The following SPAG16 variants were observed in gnomAD, a reference collection of about 807,000 sequenced individuals.
The protein encoded by SPAG16 is sperm-associated antigen 16 protein.
In SPAG16, 86 loss-of-function variants were observed where a neutral mutation model predicts 80.4. The ratio of observed to expected loss-of-function variants is 1.07; its 90% CI spans 0.90 to 1.28. The LOEUF is 1.28. Ranked by LOEUF, SPAG16 falls within the 50% of genes most tolerant of loss-of-function variation. The probability of loss-of-function intolerance (pLI) is 0.00; values close to 1 mark genes in which losing one functional copy is unlikely to be tolerated. For synonymous variants in SPAG16, 294 were observed against 265.9 expected (o/e 1.11, Z -1.03); for missense variants, 870 against 765.3 (o/e 1.14, Z -1.61).
intron 10 of SPAG16, among the ~76,000 whole-genome samples, chr2:213,706,302 G>T (rs2065750412): frequency 6.6e-6 from 1 of 152,180 alleles, no homozygotes; most frequent in Non-Finnish European, 1.5e-5. Flanking sequence ...GAAGGATAAT[G>T]GTTGAGTGAA....
chr2:213,576,948 T>C (rs1383201224), intron 10 of SPAG16, among the ~76,000 whole-genome samples: 1 of 152,044 alleles, frequency 6.6e-6, no homozygotes, highest in Non-Finnish European at 1.5e-5. Context: ...ATTACACAAG[T>C]TTACATAGGT....
intron 10 of SPAG16, among the ~76,000 whole-genome samples, chr2:213,774,053 C>A (rs866693215): frequency 8.6e-5 from 13 of 151,738 alleles, no homozygotes; most frequent in African/African-American, 2.7e-4. Context: ...TATTTTTTAC[C>A]GCAATGTGTG....
chr2:213,718,410 C>T (rs1209824465), intron 10 of SPAG16, among the ~76,000 whole-genome samples: 2 of 152,182 alleles, frequency 1.3e-5, no homozygotes, highest in African/African-American at 2.4e-5. Context: ...GCCCTTCAGT[C>T]CCCCCACTGC....
intron 9 of SPAG16, among the ~76,000 whole-genome samples, chr2:213,482,214 T>C (rs557925588): frequency 1.3e-5 from 2 of 152,366 alleles, no homozygotes; most frequent in South Asian, 4.1e-4. Flanking sequence ...CATACTTTCA[T>C]ATTATCAAAT....
intron 15 of SPAG16, among the ~76,000 whole-genome samples, chr2:214,309,222 T>C (rs765742307): frequency 4.6e-4 from 70 of 152,308 alleles, no homozygotes; most frequent in South Asian, 1.0e-3. Context: ...ATTCTTGTTT[T>C]TAAGTTCTGT....
At chr2:213,643,067 A>ATGTGTGTGTGTG (rs1472727467) in intron 10 of SPAG16, among the ~76,000 whole-genome samples, 1 of 23,334 alleles carries the variant, frequency 4.3e-5, no homozygotes, top group East Asian at 8.9e-4. Context: ...GTGTGTGTGT[A>ATGTGTGTGTGTG]TATATATATA....
At chr2:213,470,114 A>G (rs536973888) in intron 9 of SPAG16, among the ~76,000 whole-genome samples, 33 of 152,276 alleles carry the variant, frequency 2.2e-4, no homozygotes, top group Middle Eastern at 3.4e-3. Flanking sequence ...CATATATTGG[A>G]TGCTGATTCA....
intron 7 of SPAG16, among the ~76,000 whole-genome samples, chr2:213,357,965 C>G (rs2125088159): frequency 6.6e-6 from 1 of 152,228 alleles, no homozygotes; most frequent in Admixed American, 6.5e-5. Context: ...GTAACAAAAC[C>G]CCTTAGCATT....
At chr2:213,435,723 C>CACAT (rs2070595769) in intron 9 of SPAG16, among the ~76,000 whole-genome samples, 1 of 152,078 alleles carries the variant, frequency 6.6e-6, no homozygotes, top group African/African-American at 2.4e-5. Flanking sequence ...TGATAAAAGA[C>CACAT]ACATTGTTCA....
At chr2:213,402,199 T>A (rs1291435531) in intron 9 of SPAG16, among the ~76,000 whole-genome samples, 1 of 152,106 alleles carries the variant, frequency 6.6e-6, no homozygotes. Flanking sequence ...GTATTATGTT[T>A]CCTGTATTTA....
intron 11 of SPAG16, among the ~76,000 whole-genome samples, chr2:213,877,585 G>T (rs1419735604): frequency 1.3e-5 from 2 of 152,176 alleles, no homozygotes; most frequent in Non-Finnish European, 2.9e-5. Context: ...AAAATTCTGG[G>T]ATTATAGGCA....
chr2:213,529,245 T>C (rs894964781), intron 10 of SPAG16, among the ~76,000 whole-genome samples: 6 of 152,198 alleles, frequency 3.9e-5, no homozygotes, highest in Admixed American at 2.6e-4. Context: ...ACCATGGATA[T>C]TGCTCTTTAT....
intron 15 of SPAG16, among the ~76,000 whole-genome samples, chr2:214,159,519 C>G (rs2056352050): frequency 6.6e-6 from 1 of 151,938 alleles, no homozygotes; most frequent in Non-Finnish European, 1.5e-5. Flanking sequence ...ATGTGCAAAT[C>G]AACCCAGAAC....
At chr2:213,988,513 T>C (rs933055324) in intron 12 of SPAG16, among the ~76,000 whole-genome samples, 1 of 151,984 alleles carries the variant, frequency 6.6e-6, no homozygotes. Flanking sequence ...AAAGAGGAAT[T>C]CACAGGAGAA....
chr2:213,870,269 G>T (rs1575414241), intron 11 of SPAG16, among the ~76,000 whole-genome samples: 1 of 152,126 alleles, frequency 6.6e-6, no homozygotes, highest in African/African-American at 2.4e-5. Context: ...AAGACTGCTT[G>T]CTTTCTGTTG....
intron 10 of SPAG16, among the ~76,000 whole-genome samples, chr2:213,548,297 C>G (rs942201940): frequency 3.3e-5 from 5 of 152,196 alleles, no homozygotes. Flanking sequence ...ACTACAACCT[C>G]TGCCTCCCAG....
At chr2:213,674,952 A>G (rs1464410932) in intron 10 of SPAG16, among the ~76,000 whole-genome samples, 1 of 150,100 alleles carries the variant, frequency 6.7e-6, no homozygotes, top group Non-Finnish European at 1.5e-5. Flanking sequence ...TCCCTGAGGA[A>G]TCACCACACT....
At chr2:213,556,422 C>T (rs541565277) in intron 10 of SPAG16, among the ~76,000 whole-genome samples, 1 of 149,280 alleles carries the variant, frequency 6.7e-6, no homozygotes, top group African/African-American at 2.5e-5. Context: ...TCTATACAAA[C>T]AGAAACCAAA....
At chr2:213,315,441 T>G (rs2063360178) in intron 4 of SPAG16, among the ~76,000 whole-genome samples, 1 of 151,926 alleles carries the variant, frequency 6.6e-6, no homozygotes, top group Non-Finnish European at 1.5e-5. Flanking sequence ...CGTCCCGCTT[T>G]TACCTCCATT....
Sources: gnomAD v4.1 joint callset for allele counts (sites outside exome capture counted in the v4.1 genomes callset) on GRCh38, gnomAD v4.1.1 for gene constraint, MANE v1.5 for transcripts, NCBI Gene and HGNC (gene_info 2026-07-23, HGNC 2026-07-21) for gene names.